KANK4: variants seen among roughly 807,000 people sequenced by gnomAD.
KANK4 encodes KN motif and ankyrin repeat domains 4, also known as KN motif and ankyrin repeat domain-containing protein 4.
KANK4 carries 50 observed loss-of-function variants against 80.8 expected under a neutral mutation model. That is an observed-to-expected ratio of 0.62 (90% confidence interval 0.49 to 0.78). The LOEUF (loss-of-function observed/expected upper bound fraction) is 0.78, where lower values mean the gene tolerates loss of function less well. Ranked by LOEUF, KANK4 falls within the 30% of genes least tolerant of loss-of-function variation. The probability of loss-of-function intolerance (pLI) is 0.00; values close to 1 mark genes in which losing one functional copy is unlikely to be tolerated. For missense variants in KANK4, 1,196 were observed against 1,240.1 expected (o/e 0.96, Z 0.53); for synonymous variants, 465 against 506.9 (o/e 0.92, Z 1.11).
At chr1:62,302,199 T>C (rs1557507252) in intron 1 of KANK4, among the ~76,000 whole-genome samples, 1 of 151,834 alleles carries the variant, frequency 6.6e-6, no homozygotes, top group Non-Finnish European at 1.5e-5. Context: ...TGTTTTCCAG[T>C]GCAATTCAGG....
chr1:62,297,246 G>A (rs1342887838), intron 1 of KANK4, among the ~76,000 whole-genome samples: 2 of 151,910 alleles, frequency 1.3e-5, no homozygotes, highest in Non-Finnish European at 2.9e-5. Context: ...AAATAAATAA[G>A]TAAATAAAAA....
rs34488630 is a variant in KANK4 at position 62,253,409 on chromosome 1, C to CTTTTTTT, written c.2540-207_2540-201dup. Among the ~76,000 whole-genome samples the CTTTTTTT allele has an allele frequency of 2.3e-3, 257 of 110,956 alleles. 2 individuals are homozygous for CTTTTTTT. Among genetic ancestry groups the CTTTTTTT allele is most frequent in the Non-Finnish European group, 3.3e-3 (188 of 57,498 alleles). The allele number at this position is 110,956 out of a possible 152,430, so 72.8% of individuals were successfully genotyped here. ...TTTCTTTTCTTTTTTTTCTTTCTTT[C>CTTTTTTT]TTTTTTTTTTTTTTTTTTGAGACAG... On this transcript the variant is annotated intron_variant, in intron 7 of 9. Coordinates refer to ENST00000371153, the MANE Select transcript of KANK4 (RefSeq NM_181712.5).
At chr1:62,305,907 C>G (rs993276966) in intron 1 of KANK4, among the ~76,000 whole-genome samples, 3 of 152,172 alleles carry the variant, frequency 2.0e-5, no homozygotes, top group Non-Finnish European at 2.9e-5. Flanking sequence ...AAAGAACTGG[C>G]AACTAAGGTT....
intron 1 of KANK4, among the ~76,000 whole-genome samples, chr1:62,283,757 A>G (rs539785487): frequency 6.6e-6 from 1 of 152,248 alleles, no homozygotes; most frequent in African/African-American, 2.4e-5. Flanking sequence ...TGGCTTCACA[A>G]ACTCTCATCA....
At chr1:62,299,597 C>T (rs988433446) in intron 1 of KANK4, among the ~76,000 whole-genome samples, 2 of 152,178 alleles carry the variant, frequency 1.3e-5, no homozygotes, top group Non-Finnish European at 2.9e-5. Flanking sequence ...AGGATTTAGA[C>T]ACCCAGCAAG....
In KANK4 at chr1:62,263,331, C is replaced by A. The variant is rs1434811543; in HGVS notation, c.2320-20G>T. 5 of 1,603,402 alleles carry A rather than the reference C, an allele frequency of 3.1e-6. No homozygotes were observed. The highest frequency in any genetic ancestry group is 2.2e-5 in the South Asian group (2 of 89,916). ...TTGCCTCTGAAACCCCAAAAAAGAC[C>A]AATTCCAAGAGGTTCCCCGGCCAGC... On this transcript the variant is annotated intron_variant, in intron 6 of 9. Coordinates refer to ENST00000371153, the MANE Select transcript of KANK4 (RefSeq NM_181712.5).
At chr1:62,277,661 C>G (rs932857184) in intron 2 of KANK4, among the ~76,000 whole-genome samples, 1 of 152,120 alleles carries the variant, frequency 6.6e-6, no homozygotes, top group African/African-American at 2.4e-5. Context: ...CCCAAACAGC[C>G]CCACAGAAAG....
chr1:62,263,524 G>T, intron 6 of KANK4: 1 of 552,640 alleles, frequency 1.8e-6, no homozygotes, highest in Non-Finnish European at 3.2e-6. Context: ...TGGAAAGGAA[G>T]ACTGGGAGGA....
At chr1:62,302,143 A>G (rs1487306912) in intron 1 of KANK4, among the ~76,000 whole-genome samples, 1 of 152,088 alleles carries the variant, frequency 6.6e-6, no homozygotes, top group Non-Finnish European at 1.5e-5. Context: ...GGCAGACGTC[A>G]AGGGTTGACA....
In KANK4 at chr1:62,268,441, T is replaced by A. The variant is rs1426255082; in HGVS notation, c.2077A>T (p.Ser693Cys). Reference protein sequence around the residue: ...EDSTPEDLSDSEAEKKCDGPD... With the variant: ...EDSTPEDLSDCEAEKKCDGPD... ...CCGTCACACTTCTTCTCTGCCTCGC[T>A]GTCAGACAAGTCCTCTGGGGTGCTG... The change falls in exon 5 of 10, where the codon AGC becomes TGC. Residue 693 changes from serine (S) to cysteine (C), a missense_variant. Ser to Cys is a moderately radical substitution (Grantham distance 112). Around this residue, in one of 3 missense-constraint regions of KANK4, gnomAD observed 1,154 missense variants for 1,179.6 expected, o/e 0.98. Transcript: ENST00000371153. 2 of 1,613,870 alleles carry A rather than the reference T, an allele frequency of 1.2e-6. No homozygotes were observed. Among genetic ancestry groups the A allele is most frequent in the Admixed American group, 3.3e-5 (2 of 60,006 alleles).
rs34488630 is a variant in KANK4, at chr1:62,253,409, C to CTTTT, written c.2540-204_2540-201dup. 3.1e-3 allele frequency among the ~76,000 whole-genome samples: 341 copies of CTTTT among 110,942 alleles called. 5 individuals carry two copies. The highest frequency in any genetic ancestry group is 3.4e-3 in the African/African-American group (100 of 29,150). The allele number at this position is 110,942 out of a possible 152,430, so 72.8% of individuals were successfully genotyped here. The stretch of plus-strand genomic sequence containing the variant: ...TTTCTTTTCTTTTTTTTCTTTCTTT[C>CTTTT]TTTTTTTTTTTTTTTTTTGAGACAG... On this transcript the variant is annotated intron_variant, in intron 7 of 9. Coordinates refer to ENST00000371153, the MANE Select transcript of KANK4 (RefSeq NM_181712.5).
At chr1:62,318,728 G>T (rs1644563447) in intron 1 of KANK4, among the ~76,000 whole-genome samples, 1 of 152,218 alleles carries the variant, frequency 6.6e-6, no homozygotes, top group Non-Finnish European at 1.5e-5. Flanking sequence ...AAAGCTGGGC[G>T]GGGGCTGCAC....
chr1:62,266,911 C>A, intron 5 of KANK4, 92 bp from the exon 6 acceptor site: 1 of 841,032 alleles, frequency 1.2e-6, no homozygotes, highest in Non-Finnish European at 1.9e-6. Flanking sequence ...CACATCTCAG[C>A]AGCTCAAAAA....
chr1:62,313,555 T>G (rs1209716834), intron 1 of KANK4, among the ~76,000 whole-genome samples: 1 of 152,242 alleles, frequency 6.6e-6, no homozygotes, highest in Admixed American at 6.5e-5. Context: ...GTTATTATTT[T>G]TTATTTCAAA....
intron 1 of KANK4, among the ~76,000 whole-genome samples, chr1:62,291,602 A>G (rs1247144888): frequency 6.6e-6 from 1 of 151,342 alleles, no homozygotes; most frequent in Non-Finnish European, 1.5e-5. Flanking sequence ...CACCAGGTAC[A>G]CCTAATTTTT....
intron 3 of KANK4, chr1:62,272,341 C>T (rs2666502): frequency 0.27 from 41,466 of 152,222 alleles, 6,150 homozygotes; most frequent in East Asian, 0.56. Flanking sequence ...CGTACACACA[C>T]ACATGCACGC....
chr1:62,317,763 A>G lies in KANK4; in HGVS notation c.-71+1343T>C, dbSNP rs568049664. ...AGAACTCAGCACTGGAGAATTCTCT[A>G]TTTATGTGAGTGATTTAATTCCTGT... On this transcript the variant is annotated intron_variant, in intron 1 of 9. Coordinates refer to ENST00000371153, the MANE Select transcript of KANK4 (RefSeq NM_181712.5). Among the ~76,000 whole-genome samples the G allele has an allele frequency of 2.6e-5, 4 of 152,232 alleles. No individual in the cohort carries two copies. In the South Asian group the frequency reaches 6.2e-4, roughly 24 times the overall value.
intron 7 of KANK4, among the ~76,000 whole-genome samples, chr1:62,261,811 C>A (rs1436870750): frequency 1.3e-5 from 2 of 152,192 alleles, no homozygotes; most frequent in African/African-American, 4.8e-5. Context: ...CCCTGTCTAA[C>A]CTCCATGGAG....
chr1:62,279,198 G>GCA (rs10560623), intron 2 of KANK4, among the ~76,000 whole-genome samples: 11,682 of 145,720 alleles, frequency 0.08, 572 homozygotes, highest in East Asian at 0.29. Flanking sequence ...GCTAGCGCGC[G>GCA]CACACACACA....
Sources: gnomAD v4.1 joint callset for allele counts (sites outside exome capture counted in the v4.1 genomes callset) on GRCh38, gnomAD v4.1.1 for gene constraint, gnomAD v4.1.1 regional missense constraint, MANE v1.5 for transcripts, NCBI Gene and HGNC (gene_info 2026-07-23, HGNC 2026-07-21) for gene names.